The following MACROD2 variants were observed in gnomAD, a reference collection of about 807,000 sequenced individuals.
MACROD2 encodes ADP-ribose glycohydrolase MACROD2.
A neutral mutation model predicts 70.4 loss-of-function variants in MACROD2; 36 were observed. The ratio of observed to expected loss-of-function variants is 0.51; its 90% CI spans 0.39 to 0.68. The LOEUF (loss-of-function observed/expected upper bound fraction) is 0.68. Ranked by LOEUF, MACROD2 falls within the 30% of genes least tolerant of loss-of-function variation. MACROD2 has a pLI of 0.00. For synonymous variants in MACROD2, 172 were observed against 178.8 expected, an observed-to-expected ratio of 0.96 and a Z score of 0.30; for missense variants, 496 against 538.4, an observed-to-expected ratio of 0.92 and a Z score of 0.78.
intron 5 of MACROD2, among the ~76,000 whole-genome samples, chr20:15,087,235 A>G (rs1359889727): frequency 6.6e-6 from 1 of 152,070 alleles, no homozygotes; most frequent in African/African-American, 2.4e-5. Context: ...AGGCTTAAAG[A>G]CAATTCAAAT....
At chr20:15,226,902 A>G (rs1284342000) in intron 5 of MACROD2, among the ~76,000 whole-genome samples, 1 of 152,132 alleles carries the variant, frequency 6.6e-6, no homozygotes, top group Non-Finnish European at 1.5e-5. Context: ...CTGGAATTCA[A>G]AGACAGGCCT....
intron 3 of MACROD2, among the ~76,000 whole-genome samples, chr20:14,215,337 TACACACACACACACAC>T (rs199684417): frequency 1.4e-4 from 18 of 131,090 alleles, no homozygotes; most frequent in African/African-American, 3.8e-4. Flanking sequence ...CCATCATATA[TACACACACACACACAC>T]ACACACACAC....
chr20:15,179,571 CTCTCT>C (rs1475229116), intron 5 of MACROD2, among the ~76,000 whole-genome samples: 1 of 152,136 alleles, frequency 6.6e-6, no homozygotes, highest in African/African-American at 2.4e-5. Flanking sequence ...TACAAGACAG[CTCTCT>C]TCTCATTCTA....
At chr20:15,509,214 T>C (rs1275422115) in intron 8 of MACROD2, among the ~76,000 whole-genome samples, 1 of 152,208 alleles carries the variant, frequency 6.6e-6, no homozygotes, top group Non-Finnish European at 1.5e-5. Flanking sequence ...AAAATCAGTC[T>C]TTCAATATTC....
intron 5 of MACROD2, among the ~76,000 whole-genome samples, chr20:14,778,380 C>T (rs560791800): frequency 1.3e-5 from 2 of 152,176 alleles, no homozygotes; most frequent in Admixed American, 1.3e-4. Flanking sequence ...TAGACAACTC[C>T]GTGCCTTTGT....
chr20:14,517,292 T>C (rs2085112072), intron 4 of MACROD2, among the ~76,000 whole-genome samples: 1 of 152,152 alleles, frequency 6.6e-6, no homozygotes, highest in African/African-American at 2.4e-5. Flanking sequence ...CCAACCCAAA[T>C]GCCCATCAAT....
chr20:14,371,281 T>G (rs561102702), intron 3 of MACROD2, among the ~76,000 whole-genome samples: 10 of 152,232 alleles, frequency 6.6e-5, no homozygotes, highest in Admixed American at 2.6e-4. Context: ...GGCCAGGAGT[T>G]TGAGACCAGC....
chr20:15,416,910 A>AAT (rs1186714143), intron 6 of MACROD2, among the ~76,000 whole-genome samples: 1 of 152,102 alleles, frequency 6.6e-6, no homozygotes, highest in Non-Finnish European at 1.5e-5. Flanking sequence ...CTCAAAAAAA[A>AAT]AAAGAAGTGG....
At chr20:14,475,318 A>G (rs2123056591) in intron 3 of MACROD2, among the ~76,000 whole-genome samples, 1 of 117,702 alleles carries the variant, frequency 8.5e-6, no homozygotes, top group East Asian at 2.0e-4. Context: ...TGTTGCCTAT[A>G]CCATAATTAA....
At chr20:15,568,217 A>T (rs931216120) in intron 8 of MACROD2, among the ~76,000 whole-genome samples, 1 of 152,204 alleles carries the variant, frequency 6.6e-6, no homozygotes, top group Non-Finnish European at 1.5e-5. Flanking sequence ...GAGAGTTTCG[A>T]GGAAATCTCA....
chr20:15,643,507 T>C (rs1305370406), intron 8 of MACROD2, among the ~76,000 whole-genome samples: 3 of 152,302 alleles, frequency 2.0e-5, no homozygotes, highest in East Asian at 3.9e-4. Context: ...GATTGACTTA[T>C]GTCATTGCAC....
intron 6 of MACROD2, among the ~76,000 whole-genome samples, chr20:15,234,007 A>ATTTTTTTTTTTTTTTTTTTTTT (rs2076986527): frequency 2.0e-5 from 1 of 49,662 alleles, no homozygotes; most frequent in Non-Finnish European, 4.0e-5. Flanking sequence ...ATATATATAT[A>ATTTTTTTTTTTTTTTTTTTTTT]TATTCTTTTT....
chr20:15,667,370 C>T (rs2049913777), intron 8 of MACROD2, among the ~76,000 whole-genome samples: 3 of 152,186 alleles, frequency 2.0e-5, no homozygotes, highest in Admixed American at 6.5e-5. Context: ...TCCTATACAG[C>T]CTGCAGAACC....
chr20:15,112,950 CTGTGTGTGTGTGTG>C (rs11467446), intron 5 of MACROD2, among the ~76,000 whole-genome samples: 4 of 146,002 alleles, frequency 2.7e-5, no homozygotes, highest in South Asian at 2.2e-4. Flanking sequence ...TAATATTTCA[CTGTGTGTGTGTGTG>C]TGTGTGTGTG....
At chr20:14,754,556 A>G (rs1197538753) in intron 5 of MACROD2, among the ~76,000 whole-genome samples, 1 of 152,048 alleles carries the variant, frequency 6.6e-6, no homozygotes, top group Non-Finnish European at 1.5e-5. Context: ...GTGGGCACAG[A>G]GTCTCTTTTC....
intron 8 of MACROD2, among the ~76,000 whole-genome samples, chr20:15,812,720 C>G (rs932423739): frequency 6.6e-6 from 1 of 152,088 alleles, no homozygotes; most frequent in Non-Finnish European, 1.5e-5. Context: ...AAGTAGAAAC[C>G]AAGTCTCAGT....
intron 5 of MACROD2, among the ~76,000 whole-genome samples, chr20:14,793,440 C>G (rs943984084): frequency 6.6e-6 from 1 of 151,750 alleles, no homozygotes; most frequent in Admixed American, 6.6e-5. Flanking sequence ...TTATCTCCCC[C>G]CACCATGCCC....
At chr20:14,047,816 C>T (rs1020193529) in intron 2 of MACROD2, among the ~76,000 whole-genome samples, 3 of 151,974 alleles carry the variant, frequency 2.0e-5, no homozygotes, top group Admixed American at 2.0e-4. Flanking sequence ...GTAGCAGAAG[C>T]AGTAGATAGT....
At chr20:15,205,120 G>A (rs904505337) in intron 5 of MACROD2, among the ~76,000 whole-genome samples, 1 of 152,146 alleles carries the variant, frequency 6.6e-6, no homozygotes, top group African/African-American at 2.4e-5. Flanking sequence ...GGATTCTTAT[G>A]AATAAAGTTT....
Sources: allele counts gnomAD v4.1 joint callset (sites outside exome capture counted in the v4.1 genomes callset), GRCh38; gene constraint gnomAD v4.1.1; transcripts MANE v1.5; gene names NCBI Gene and HGNC (gene_info 2026-07-23, HGNC 2026-07-21).